The following DOP1A variants were observed in gnomAD, a reference collection of about 807,000 sequenced individuals.
DOP1A encodes protein DOP1A.
A neutral mutation model predicts 267.6 loss-of-function variants in DOP1A; 90 were observed. The observed-to-expected ratio is 0.34, with a 90% CI of 0.28 to 0.40. The LOEUF (loss-of-function observed/expected upper bound fraction) is 0.40, where lower values mean the gene tolerates loss of function less well. Ranked by LOEUF, DOP1A falls within the 10% of genes least tolerant of loss-of-function variation. DOP1A has a pLI of 1.00. For synonymous variants in DOP1A, 932 were observed against 999.1 expected, an observed-to-expected ratio of 0.93 and a Z score of 1.27; for missense variants, 2,437 against 2,900.4, an observed-to-expected ratio of 0.84 and a Z score of 3.67.
chr6:83,147,507 G>A (rs575522685), intron 26 of DOP1A, among the ~76,000 whole-genome samples: 5 of 152,192 alleles, frequency 3.3e-5, no homozygotes, highest in African/African-American at 7.2e-5. Context: ...ACCTACTCTC[G>A]AAACTATGCA....
At chr6:83,094,287 G>A (rs184389047) in intron 1 of DOP1A, among the ~76,000 whole-genome samples, 1 of 152,192 alleles carries the variant, frequency 6.6e-6, no homozygotes, top group East Asian at 1.9e-4. Context: ...TGGTATTTTA[G>A]TTATTTGTGT....
At chr6:83,123,735 A>G (rs1776703318) in intron 12 of DOP1A, among the ~76,000 whole-genome samples, 1 of 152,092 alleles carries the variant, frequency 6.6e-6, no homozygotes, top group South Asian at 2.1e-4. Flanking sequence ...AAGATCTTAT[A>G]GTGGGAACAA....
intron 1 of DOP1A, among the ~76,000 whole-genome samples, chr6:83,085,513 A>G (rs577692193): frequency 1.1e-4 from 16 of 152,234 alleles, no homozygotes; most frequent in Non-Finnish European, 2.4e-4. Context: ...GGAGGACGGG[A>G]AGAAATCTGT....
chr6:83,147,322 T>C lies in DOP1A; in HGVS notation c.5732+31T>C, dbSNP rs760216605. ...ATTACTGATATTGATCTGTCCTTACTATGTTGCTAGAAACAGAGAAACATT... is the reference window on the plus strand; with the variant it reads ...ATTACTGATATTGATCTGTCCTTACCATGTTGCTAGAAACAGAGAAACATT... On this transcript the variant is annotated intron_variant, in intron 26 of 38. Transcript: ENST00000349129. 8 of 1,215,520 alleles carry C rather than the reference T, an allele frequency of 6.6e-6. No individual in the cohort carries two copies. The Admixed American group carries it at 1.6e-4, about 25-fold the overall frequency. The allele number at this position is 1,215,520 out of a possible 1,614,324, so 75.3% of individuals were successfully genotyped here.
At chr6:83,112,296 C>G (rs911397292) in intron 6 of DOP1A, among the ~76,000 whole-genome samples, 1 of 151,704 alleles carries the variant, frequency 6.6e-6, no homozygotes, top group Non-Finnish European at 1.5e-5. Flanking sequence ...AGATGATCAA[C>G]ATTGTAATAA....
rs935575849 is a variant in DOP1A at position 83,138,103 on chromosome 6, C to G, written c.4061C>G (p.Ser1354Cys). The change falls in exon 21 of 39, where the codon TCT (serine) becomes TGT (cysteine). Residue 1354 changes from serine (S) to cysteine (C), a missense_variant. This residue lies in a region of DOP1A where 878 missense variants were observed against 992.9 expected (regional missense o/e 0.88). Coordinates refer to ENST00000349129, the MANE Select transcript of DOP1A (RefSeq NM_015018.4). ...GAGAGTGACATGGGTTCTCCAGGAT[C>G]TCGAAAATCTCCCAATTTCAACATT... ...EIESDMGSPG[S>C]RKSPNFNIHP... The G allele has an allele frequency of 1.9e-6, 3 of 1,613,856 alleles. No homozygotes were observed. The highest frequency in any genetic ancestry group is 1.7e-4 in the Middle Eastern group (1 of 6,060).
chr6:83,125,145 C>A, intron 13 of DOP1A, 21 bp from the exon 14 acceptor site: 1 of 1,577,576 alleles, frequency 6.3e-7, no homozygotes, highest in African/African-American at 1.4e-5. Context: ...CTCCTCACTT[C>A]TTTGCTTTCT....
intron 31 of DOP1A, 135 bp downstream of exon 31, chr6:83,153,755 CAT>C: frequency 8.6e-7 from 1 of 1,165,848 alleles, no homozygotes; most frequent in Non-Finnish European, 1.2e-6. Flanking sequence ...TAAAAAAATT[CAT>C]ATATTATTTT....
At chr6:83,091,897 A>G (rs868573924) in intron 1 of DOP1A, among the ~76,000 whole-genome samples, 2 of 152,306 alleles carry the variant, frequency 1.3e-5, no homozygotes, top group Middle Eastern at 3.4e-3. Context: ...GTTATTTTAT[A>G]CGAATTTTAT....
intron 15 of DOP1A, among the ~76,000 whole-genome samples, chr6:83,128,310 T>C (rs567802088): frequency 3.9e-5 from 6 of 152,292 alleles, no homozygotes; most frequent in African/African-American, 1.4e-4. Flanking sequence ...AATGGTTCAT[T>C]TGTTTGTTTA....
At chr6:83,098,314 A>G (rs1771886386) in intron 3 of DOP1A, among the ~76,000 whole-genome samples, 1 of 152,230 alleles carries the variant, frequency 6.6e-6, no homozygotes, top group Non-Finnish European at 1.5e-5. Context: ...GAAGATTTCT[A>G]TAACCCTAAA....
intron 1 of DOP1A, among the ~76,000 whole-genome samples, chr6:83,085,133 G>A (rs1433906004): frequency 6.6e-6 from 1 of 152,144 alleles, no homozygotes; most frequent in Non-Finnish European, 1.5e-5. Flanking sequence ...TAGAACTGTA[G>A]TTCTGCTTTT....
downstream of DOP1A, chr6:83,169,469 A>G (rs980742431): frequency 2.2e-6 from 2 of 897,994 alleles, no homozygotes; most frequent in Non-Finnish European, 3.3e-6. Flanking sequence ...ACCTTTTTTC[A>G]TCTTTCAGTA....
intron 16 of DOP1A, 111 bp downstream of exon 16, chr6:83,129,619 G>A: frequency 9.5e-7 from 1 of 1,057,324 alleles, no homozygotes; most frequent in Non-Finnish European, 1.3e-6. Flanking sequence ...TTTTTTTAAT[G>A]TTTTAATTTG....
intron 1 of DOP1A, among the ~76,000 whole-genome samples, chr6:83,080,116 T>C (rs367621577): frequency 6.9e-6 from 1 of 145,166 alleles, no homozygotes; most frequent in African/African-American, 2.5e-5. Context: ...TGATTTTTTT[T>C]CCCCTGCCAT....
chr6:83,143,061 T>C (rs542409884), intron 24 of DOP1A, among the ~76,000 whole-genome samples: 2 of 152,290 alleles, frequency 1.3e-5, no homozygotes, highest in South Asian at 2.1e-4. Context: ...GTAGTAGATA[T>C]CACTCACATT....
chr6:83,071,978 T>C (rs1307068830), intron 1 of DOP1A, among the ~76,000 whole-genome samples: 1 of 152,112 alleles, frequency 6.6e-6, no homozygotes, highest in Admixed American at 6.5e-5. Context: ...GATGAGGTAA[T>C]AAAGTTAAAA....
At chr6:83,095,967 G>A (rs1415400460) in intron 1 of DOP1A, among the ~76,000 whole-genome samples, 1 of 152,118 alleles carries the variant, frequency 6.6e-6, no homozygotes, top group East Asian at 1.9e-4. Flanking sequence ...GGAAACCAAA[G>A]TGCATTTATG....
intron 1 of DOP1A, among the ~76,000 whole-genome samples, chr6:83,086,331 T>C (rs1769230817): frequency 6.6e-6 from 1 of 152,120 alleles, no homozygotes; most frequent in African/African-American, 2.4e-5. Flanking sequence ...AGAAAATATA[T>C]GTACTGTTCA....
Sources: gnomAD v4.1 joint callset for allele counts (sites outside exome capture counted in the v4.1 genomes callset) on GRCh38, gnomAD v4.1.1 for gene constraint, gnomAD v4.1.1 regional missense constraint, MANE v1.5 for transcripts, NCBI Gene and HGNC (gene_info 2026-07-23, HGNC 2026-07-21) for gene names.